The following STOX2 variants were observed in gnomAD, a reference collection of about 807,000 sequenced individuals.
STOX2 encodes storkhead box 2.
Under a neutral mutation model 60.9 loss-of-function variants are expected in STOX2, and 28 were observed. The ratio of observed to expected loss-of-function variants is 0.46; its 90% CI spans 0.34 to 0.63. The LOEUF (loss-of-function observed/expected upper bound fraction) is 0.63. STOX2 is among the 30% of genes least tolerant of loss of function. The pLI is 0.01. For synonymous variants in STOX2, 472 were observed against 463.9 expected, an observed-to-expected ratio of 1.02 and a Z score of -0.22; for missense variants, 1,024 against 1,187.7, an observed-to-expected ratio of 0.86 and a Z score of 2.03.
intron 1 of STOX2, among the ~76,000 whole-genome samples, chr4:183,967,950 G>A (rs1198053752): frequency 2.6e-5 from 4 of 152,170 alleles, no homozygotes; most frequent in Admixed American, 6.5e-5. Flanking sequence ...GCTGAACACC[G>A]GATCGGTACA....
intron 1 of STOX2, among the ~76,000 whole-genome samples, chr4:183,814,457 C>T (rs926641923): frequency 6.6e-6 from 1 of 152,192 alleles, no homozygotes; most frequent in African/African-American, 2.4e-5. Context: ...CGGACAAAGA[C>T]ACTGAGCTTA....
chr4:183,810,422 G>A (rs1467411093), intron 1 of STOX2, among the ~76,000 whole-genome samples: 2 of 152,220 alleles, frequency 1.3e-5, no homozygotes, highest in Non-Finnish European at 2.9e-5. Context: ...TGCAGTAGGG[G>A]AGAGAAATTA....
At position 183,906,822 on chromosome 4, in the gene STOX2, G is replaced by C. The variant is rs1396194374; in HGVS notation, c.32G>C (p.Arg11Pro). 6.4e-7 allele frequency: 1 copy of C among 1,557,866 alleles called. No homozygotes were observed. Among genetic ancestry groups the C allele is most frequent in the Non-Finnish European group, 8.7e-7 (1 of 1,150,982 alleles). The change falls in exon 1 of 4, where the codon CGA (arginine) becomes CCA (proline). Residue 11 changes from arginine to proline, a missense_variant. Coordinates refer to ENST00000308497, the MANE Select transcript of STOX2 (RefSeq NM_020225.3). MKKTRSTTLR[R>P]AWPSSDFSDR... is the part of the protein sequence containing the mutation. ...AAGACCCGGAGCACAACCTTGCGGC[G>C]AGCCTGGCCTAGCTCGGATTTCTCG...
Position 183,826,308 on chromosome 4 carries a change from C to T in STOX2, c.364+28253C>T, listed in dbSNP as rs537325423. Among the ~76,000 whole-genome samples the T allele has an allele frequency of 7.9e-5, 12 of 152,224 alleles. No individual in the cohort carries two copies. The South Asian group carries it at 2.1e-3, about 26-fold the overall frequency. On this transcript the variant is annotated intron_variant, in intron 1 of 2. Transcript: ENST00000513034. ...CTAGTCCTGACCCCTCCATGGTTTC[C>T]CTGAGCCTTGCCCCTCACCGTCCTC... is the stretch of plus-strand genomic sequence containing the variant.
At chr4:183,854,401 A>G (rs1168152192) in intron 1 of STOX2, among the ~76,000 whole-genome samples, 2 of 152,234 alleles carry the variant, frequency 1.3e-5, no homozygotes, top group Non-Finnish European at 2.9e-5. Context: ...AAAACATGCA[A>G]GTTTCACATC....
chr4:184,012,452 T>G (rs1734208448), intron 3 of STOX2, among the ~76,000 whole-genome samples: 1 of 152,216 alleles, frequency 6.6e-6, no homozygotes, highest in African/African-American at 2.4e-5. Context: ...TTATTAAGAA[T>G]TAAAATTAAT....
chr4:183,982,316 C>G (rs1461268959), intron 1 of STOX2, among the ~76,000 whole-genome samples: 2 of 152,112 alleles, frequency 1.3e-5, no homozygotes, highest in Admixed American at 6.6e-5. Context: ...GTAAGAACAC[C>G]AAGTGTATTT....
intron 1 of STOX2, among the ~76,000 whole-genome samples, chr4:183,974,190 G>C (rs1732353249): frequency 6.6e-6 from 1 of 151,994 alleles, no homozygotes; most frequent in Admixed American, 6.6e-5. Flanking sequence ...ATATATATTT[G>C]AAATGTGTAG....
chr4:183,921,501 C>G (rs1399529664), intron 1 of STOX2, among the ~76,000 whole-genome samples: 1 of 152,146 alleles, frequency 6.6e-6, no homozygotes, highest in African/African-American at 2.4e-5. Context: ...AAATCCGTTA[C>G]AATTTCCTCC....
chr4:183,938,912 G>T (rs1206690905), intron 1 of STOX2, among the ~76,000 whole-genome samples: 2 of 152,112 alleles, frequency 1.3e-5, no homozygotes, highest in East Asian at 3.9e-4. Context: ...TTAATAGCCT[G>T]CTAATGAAAA....
intron 1 of STOX2, among the ~76,000 whole-genome samples, chr4:183,859,850 A>T (rs1740389493): frequency 1.3e-5 from 2 of 152,068 alleles, no homozygotes; most frequent in Non-Finnish European, 2.9e-5. Flanking sequence ...GATATCTAGG[A>T]CTTTATTTTC....
chr4:183,987,672 C>G (rs889623659), intron 1 of STOX2: 1 of 152,232 alleles, frequency 6.6e-6, no homozygotes, highest in Non-Finnish European at 1.5e-5. Flanking sequence ...AGAAGCCGCA[C>G]TGGCTGGTGC....
intron 1 of STOX2, among the ~76,000 whole-genome samples, chr4:183,875,894 A>C (rs917437661): frequency 6.6e-6 from 1 of 152,064 alleles, no homozygotes; most frequent in Non-Finnish European, 1.5e-5. Flanking sequence ...ATTTTTTAAA[A>C]ATTTATTTGT....
At chr4:183,952,654 G>T (rs1186523437) in intron 1 of STOX2, among the ~76,000 whole-genome samples, 1 of 152,208 alleles carries the variant, frequency 6.6e-6, no homozygotes, top group African/African-American at 2.4e-5. Flanking sequence ...GAATGTGATT[G>T]TGGAGCACCA....
chr4:183,814,319 G>A (rs938085094), intron 1 of STOX2, among the ~76,000 whole-genome samples: 10 of 152,352 alleles, frequency 6.6e-5, no homozygotes, highest in Non-Finnish European at 1.2e-4. Flanking sequence ...TCTTAAACCA[G>A]ATGCTTAGGG....
Position 184,010,364 on chromosome 4 carries a change from C to A in STOX2, c.1526C>A (p.Pro509Gln). The change falls in exon 3 of 4, where the codon CCG becomes CAG. Residue 509 changes from proline (P) to glutamine (Q), a missense_variant. Pro to Gln is a moderately conservative substitution (Grantham distance 76). Around this residue, in one of 3 missense-constraint regions of STOX2, gnomAD observed 922 missense variants for 1,058.3 expected, o/e 0.87. Transcript: ENST00000308497. The surrounding 1 kb of genome is among the most constrained non-coding windows in gnomAD (Gnocchi z 4.5). The stretch of plus-strand genomic sequence containing the variant: ...CTGGGTGCTTCTTCTCTAGGGACGC[C>A]GGAAGACCTTGCTGAAGGCTGCAGC... ...GPLGASSLGT[P>Q]EDLAEGCSQD... is the part of the protein sequence containing the mutation. 3 of 1,612,264 alleles carry A rather than the reference C, an allele frequency of 1.9e-6. No individual in the cohort carries two copies. The highest frequency in any genetic ancestry group is 2.5e-6 in the Non-Finnish European group (3 of 1,179,166).
chr4:183,815,397 T>G (rs1229213886), intron 1 of STOX2, among the ~76,000 whole-genome samples: 1 of 152,204 alleles, frequency 6.6e-6, no homozygotes, highest in Admixed American at 6.5e-5. Flanking sequence ...AGTCTAATGA[T>G]GATGACACTT....
chr4:183,963,936 C>T (rs530013305), intron 1 of STOX2, among the ~76,000 whole-genome samples: 12 of 151,950 alleles, frequency 7.9e-5, no homozygotes, highest in South Asian at 6.2e-4. Context: ...CCACCACGCC[C>T]GGCTTATTTT....
At chr4:183,848,575 G>A (rs962399543) in intron 1 of STOX2, among the ~76,000 whole-genome samples, 6 of 152,278 alleles carry the variant, frequency 3.9e-5, no homozygotes, top group Non-Finnish European at 8.8e-5. Flanking sequence ...GGTTCTGTAA[G>A]CCAGGAAGAG....
Sources: allele counts gnomAD v4.1 joint callset (sites outside exome capture counted in the v4.1 genomes callset), GRCh38; gene constraint gnomAD v4.1.1; regional missense constraint gnomAD v4.1.1; non-coding constraint Gnocchi (gnomAD v3.1); transcripts MANE v1.5; gene names NCBI Gene and HGNC (gene_info 2026-07-23, HGNC 2026-07-21).